ROR1: variants seen among roughly 807,000 people sequenced by gnomAD.
The protein encoded by ROR1 is ROR family WNT receptor 1.
A neutral mutation model predicts 78.8 loss-of-function variants in ROR1; 19 were observed. The observed-to-expected ratio is 0.24, with a 90% confidence interval of 0.17 to 0.35. ROR1 has a LOEUF of 0.35. Ranked by LOEUF, ROR1 falls within the 10% of genes least tolerant of loss-of-function variation. The pLI is 1.00. For synonymous variants in ROR1, 386 were observed against 433.6 expected, an observed-to-expected ratio of 0.89 and a Z score of 1.36; for missense variants, 917 against 1,177.8, an observed-to-expected ratio of 0.78 and a Z score of 3.24.
chr1:63,943,823 G>A (rs2100460601), intron 1 of ROR1, among the ~76,000 whole-genome samples: 1 of 152,290 alleles, frequency 6.6e-6, no homozygotes, highest in African/African-American at 2.4e-5. Flanking sequence ...GAAAAGTTAT[G>A]ATAATGCAAA....
In ROR1 at chr1:64,142,524, C is replaced by G. The variant is rs749817873; in HGVS notation, c.1048C>G (p.Leu350Val). The G allele has an allele frequency of 6.2e-7, 1 of 1,614,202 alleles. No homozygotes were observed. The highest frequency in any genetic ancestry group is 1.1e-5 in the South Asian group (1 of 91,086). ...TCCCCACACACACACTTTCACCGCCCTTCGTTTCCCAGAGCTGAATGGAGG... is the reference window on the plus strand; with the variant it reads ...TCCCCACACACACACTTTCACCGCCGTTCGTTTCCCAGAGCTGAATGGAGG... ...QYPHTHTFTA[L>V]RFPELNGGHS... is the part of the protein sequence containing the mutation. Residue 350 changes from leucine (L) to valine (V), a missense_variant, in exon 7 of 9, where the codon CTT becomes GTT. Coordinates refer to ENST00000371079, the MANE Select transcript of ROR1 (RefSeq NM_005012.4).
At chr1:63,932,033 A>T (rs544010122) in intron 1 of ROR1, among the ~76,000 whole-genome samples, 1 of 152,150 alleles carries the variant, frequency 6.6e-6, no homozygotes, top group East Asian at 1.9e-4. Context: ...TTATGTACTC[A>T]TAATAATGCC....
chr1:63,808,650 T>C (rs1243121595), intron 1 of ROR1, among the ~76,000 whole-genome samples: 1 of 152,138 alleles, frequency 6.6e-6, no homozygotes, highest in Non-Finnish European at 1.5e-5. Context: ...CAGGTGACTT[T>C]CACCGTATTT....
intron 2 of ROR1, among the ~76,000 whole-genome samples, chr1:64,029,398 T>G (rs1646641340): frequency 6.6e-6 from 1 of 152,208 alleles, no homozygotes; most frequent in Non-Finnish European, 1.5e-5. Flanking sequence ...CAATATACCC[T>G]CTGACTCTCT....
At chr1:63,797,362 C>T (rs924379682) in intron 1 of ROR1, among the ~76,000 whole-genome samples, 9 of 152,226 alleles carry the variant, frequency 5.9e-5, no homozygotes, top group African/African-American at 2.2e-4. Context: ...CTGCTGTGCC[C>T]GATTTTGTGG....
chr1:64,166,780 C>T (rs1046005713), intron 8 of ROR1, among the ~76,000 whole-genome samples: 1 of 152,136 alleles, frequency 6.6e-6, no homozygotes, highest in African/African-American at 2.4e-5. Flanking sequence ...TCCTGCCCCA[C>T]ACCCTGCTCA....
chr1:64,087,951 G>A (rs1444720391), intron 4 of ROR1, among the ~76,000 whole-genome samples: 3 of 152,188 alleles, frequency 2.0e-5, no homozygotes, highest in Admixed American at 6.5e-5. Flanking sequence ...AGTACACTGG[G>A]TGGCCTGTGG....
chr1:63,965,957 A>G (rs940697070), intron 1 of ROR1, among the ~76,000 whole-genome samples: 6 of 152,184 alleles, frequency 3.9e-5, no homozygotes, highest in African/African-American at 1.4e-4. Flanking sequence ...AACCTCTCTA[A>G]GCCTCAGTTT....
chr1:63,788,708 G>C (rs139861378), intron 1 of ROR1: 12 of 369,952 alleles, frequency 3.2e-5, no homozygotes, highest in African/African-American at 2.1e-4. Context: ...AGACAAAGTG[G>C]AAGTTTTTAT....
intron 1 of ROR1, among the ~76,000 whole-genome samples, chr1:63,844,354 C>T (rs997003268): frequency 3.9e-5 from 6 of 152,162 alleles, no homozygotes; most frequent in East Asian, 3.8e-4. Flanking sequence ...CCTGGCTTCA[C>T]GCTGGTTAGG....
intron 1 of ROR1, among the ~76,000 whole-genome samples, chr1:63,797,744 A>G (rs1301021094): frequency 6.6e-6 from 1 of 152,176 alleles, no homozygotes; most frequent in Non-Finnish European, 1.5e-5. Context: ...CTGGTAGTTG[A>G]TAAACACTCA....
chr1:64,080,693 C>T (rs564752277), intron 4 of ROR1, among the ~76,000 whole-genome samples: 1 of 152,336 alleles, frequency 6.6e-6, no homozygotes, highest in African/African-American at 2.4e-5. Flanking sequence ...AAACATCAGA[C>T]ATTTCCCAAT....
chr1:63,998,593 C>T (rs1421521442), intron 1 of ROR1, among the ~76,000 whole-genome samples: 2 of 152,156 alleles, frequency 1.3e-5, no homozygotes, highest in African/African-American at 4.8e-5. Flanking sequence ...GTTGAATGGA[C>T]AATTATTTTA....
intron 1 of ROR1, among the ~76,000 whole-genome samples, chr1:63,784,378 T>C (rs1194281224): frequency 6.6e-6 from 1 of 152,188 alleles, no homozygotes; most frequent in Non-Finnish European, 1.5e-5. Context: ...AATATACTGA[T>C]ATATGACTAT....
intron 1 of ROR1, among the ~76,000 whole-genome samples, chr1:63,918,668 G>C (rs1272460702): frequency 6.6e-6 from 1 of 152,142 alleles, no homozygotes; most frequent in East Asian, 1.9e-4. Context: ...AAATTTTCTT[G>C]TGAAACACTC....
intron 1 of ROR1, among the ~76,000 whole-genome samples, chr1:63,786,386 C>T (rs1569704020): frequency 6.8e-6 from 1 of 146,580 alleles, no homozygotes; most frequent in East Asian, 2.0e-4. Context: ...CATTCTCCTG[C>T]CTCAGCCTCC....
chr1:63,911,813 T>C (rs1321911589), intron 1 of ROR1, among the ~76,000 whole-genome samples: 1 of 152,170 alleles, frequency 6.6e-6, no homozygotes, highest in Non-Finnish European at 1.5e-5. Flanking sequence ...CACTTGGACC[T>C]GTACAAGAGA....
At position 64,142,449 on chromosome 1, in the gene ROR1, G is replaced by C. The variant is rs150545478; in HGVS notation, c.973G>C (p.Val325Leu). ...NSTGVDYRGT[V>L]SVTKSGRQCQ... is the part of the protein sequence containing the mutation. ...CACAGGTGTGGACTACCGGGGGACC[G>C]TCAGTGTGACCAAATCAGGGCGCCA... The change falls in exon 7 of 9, where the codon GTC becomes CTC. Residue 325 changes from valine (V) to leucine (L), a missense_variant. Physicochemically the swap from Val to Leu is conservative, Grantham distance 32 (BLOSUM62 1). This residue lies in a region of ROR1 where 835 missense variants were observed against 1,069.8 expected (regional missense o/e 0.78). Transcript: ENST00000371079. The C allele has an allele frequency of 6.2e-7, 1 of 1,614,134 alleles. No individual in the cohort carries two copies. Among genetic ancestry groups the C allele is most frequent in the South Asian group, 1.1e-5 (1 of 91,068 alleles).
chr1:64,140,552 G>A lies in ROR1; in HGVS notation c.928+126G>A. On this transcript the variant is annotated intron_variant, in intron 6 of 8. Transcript: ENST00000371079. The stretch of plus-strand genomic sequence containing the variant: ...ATCAAATTATTTTCCAATGGGCTGA[G>A]TACTGTGCCTGAGCATTCAGTGGTG... 3.7e-6 allele frequency: 3 copies of A among 816,976 alleles called. No individual in the cohort carries two copies. In the East Asian group the frequency reaches 8.0e-5, roughly 22 times the overall value. The allele number at this position is 816,976 out of a possible 1,614,324, so 50.6% of individuals were successfully genotyped here.
Sources: gnomAD v4.1 joint callset for allele counts (sites outside exome capture counted in the v4.1 genomes callset) on GRCh38, gnomAD v4.1.1 for gene constraint, gnomAD v4.1.1 regional missense constraint, MANE v1.5 for transcripts, NCBI Gene and HGNC (gene_info 2026-07-23, HGNC 2026-07-21) for gene names.